RRN3: variants seen among roughly 807,000 people sequenced by gnomAD.
RRN3 encodes the protein RNA polymerase I-specific transcription initiation factor RRN3.
In RRN3, 38 loss-of-function variants were observed where a neutral mutation model predicts 82.3. That is an observed-to-expected ratio of 0.46 (90% confidence interval 0.36 to 0.61). RRN3 has a LOEUF of 0.61. RRN3 is among the 20% of genes least tolerant of loss of function. The probability of loss-of-function intolerance (pLI) is 0.00; values close to 1 mark genes in which losing one functional copy is unlikely to be tolerated. For synonymous variants in RRN3, 284 were observed against 284.3 expected, an observed-to-expected ratio of 1.00 and a Z score of 0.01; for missense variants, 726 against 793.1, an observed-to-expected ratio of 0.92 and a Z score of 1.02.
chr16:15,084,426 G>A (rs539152850), intron 7 of RRN3, among the ~76,000 whole-genome samples: 1 of 152,134 alleles, frequency 6.6e-6, no homozygotes, highest in East Asian at 1.9e-4. Flanking sequence ...AAAATTGGGG[G>A]AGGATCTGCA....
Position 15,079,768 on chromosome 16 carries a change from T to C in RRN3, c.765+230A>G, listed in dbSNP as rs533877770. On this transcript the variant is annotated intron_variant, in intron 9 of 17. Coordinates refer to ENST00000198767, the MANE Select transcript of RRN3 (RefSeq NM_018427.5). ...CCATCATGCCTGGCTAATTTTTTAT[T>C]TGTATTTTTATAGAGACGGGGTTTC... Among the ~76,000 whole-genome samples, 6 of 152,262 alleles carry C rather than the reference T, an allele frequency of 3.9e-5. No individual in the cohort carries two copies. The South Asian group carries it at 1.2e-3, about 32-fold the overall frequency.
At chr16:15,079,538 C>T (rs775301289) in intron 9 of RRN3, among the ~76,000 whole-genome samples, 15 of 152,136 alleles carry the variant, frequency 9.9e-5, no homozygotes, top group Non-Finnish European at 1.3e-4. Context: ...TCTACAACTC[C>T]CAGCACATGC....
chr16:15,090,765 A>G (rs1271789469), intron 3 of RRN3, among the ~76,000 whole-genome samples: 3 of 152,160 alleles, frequency 2.0e-5, no homozygotes, highest in Non-Finnish European at 4.4e-5. Flanking sequence ...GTAATAAACC[A>G]TTCTCTTCAA....
chr16:15,078,992 T>C (rs935189567), intron 9 of RRN3, among the ~76,000 whole-genome samples: 3 of 152,064 alleles, frequency 2.0e-5, no homozygotes, highest in African/African-American at 7.2e-5. Context: ...TTTGTATTTT[T>C]AGTGAGACAG....
At chr16:15,080,313 CTA>C (rs2045644912) in intron 8 of RRN3, among the ~76,000 whole-genome samples, 1 of 152,116 alleles carries the variant, frequency 6.6e-6, no homozygotes, top group Non-Finnish European at 1.5e-5. Flanking sequence ...ATTTGCATAA[CTA>C]TAGGTTTTTA....
intron 11 of RRN3, among the ~76,000 whole-genome samples, chr16:15,073,535 C>G (rs2045328864): frequency 1.3e-5 from 2 of 152,154 alleles, no homozygotes; most frequent in Non-Finnish European, 1.5e-5. Context: ...CACAGATTTT[C>G]CTCTGAATAT....
chr16:15,071,469 C>A (rs1356125467), intron 12 of RRN3, among the ~76,000 whole-genome samples: 1 of 152,162 alleles, frequency 6.6e-6, no homozygotes, highest in Non-Finnish European at 1.5e-5. Flanking sequence ...CCTAGCTAAG[C>A]ATCACAATCA....
chr16:15,071,361 C>G, intron 12 of RRN3, 110 bp from the exon 13 acceptor site: 2 of 992,970 alleles, frequency 2.0e-6, no homozygotes, highest in Non-Finnish European at 3.0e-6. Context: ...TCTACTATCT[C>G]ATAACTATCT....
At chr16:15,074,933 T>C in intron 10 of RRN3, 72 bp from the exon 11 acceptor site, 1 of 1,402,374 alleles carries the variant, frequency 7.1e-7, no homozygotes, top group Non-Finnish European at 9.7e-7. Flanking sequence ...AAAACTGTCA[T>C]AAGTGATTAT....
At chr16:15,073,265 C>G (rs535528160) in intron 11 of RRN3, among the ~76,000 whole-genome samples, 185 bp from the exon 12 acceptor site, 4 of 152,102 alleles carry the variant, frequency 2.6e-5, no homozygotes, top group Non-Finnish European at 5.9e-5. Flanking sequence ...TCAAGGGCAG[C>G]CTGGGGAACA....
chr16:15,062,284 G>A (rs1567181680), intron 17 of RRN3, among the ~76,000 whole-genome samples: 1 of 152,134 alleles, frequency 6.6e-6, no homozygotes, highest in East Asian at 1.9e-4. Flanking sequence ...GCTCAATGGG[G>A]ACAGGAAACA....
At chr16:15,089,565 C>T (rs1363829934) in intron 3 of RRN3, among the ~76,000 whole-genome samples, 1 of 152,026 alleles carries the variant, frequency 6.6e-6, no homozygotes, top group Non-Finnish European at 1.5e-5. Context: ...CTTTGGGAGG[C>T]CAAGGCGGGC....
At chr16:15,094,316 G>C (rs1422470572), upstream of RRN3, 66 of 1,262,322 alleles carry the variant, frequency 5.2e-5, no homozygotes, top group Non-Finnish European at 6.9e-5. Flanking sequence ...GAAGTTGCGC[G>C]TGCCAGCGCA....
chr16:15,074,666 C>T (rs141387535), intron 11 of RRN3, 57 bp downstream of exon 11: 11 of 1,367,912 alleles, frequency 8.0e-6, no homozygotes, highest in African/African-American at 1.5e-5. Context: ...GGAAAATGCC[C>T]AGCACAAAGC....
chr16:15,072,218 A>T (rs1192577487), intron 12 of RRN3, among the ~76,000 whole-genome samples: 5 of 148,026 alleles, frequency 3.4e-5, no homozygotes, highest in African/African-American at 1.2e-4. Flanking sequence ...GCAGAGAAGG[A>T]AAAGCCTTCT....
chr16:15,076,806 TG>T (rs1442858119), intron 9 of RRN3, among the ~76,000 whole-genome samples, 156 bp from the exon 10 acceptor site: 1 of 152,250 alleles, frequency 6.6e-6, no homozygotes, highest in African/African-American at 2.4e-5. Context: ...GGTGCAAGCC[TG>T]TAAACTGACC....
intron 8 of RRN3, among the ~76,000 whole-genome samples, chr16:15,082,659 G>A (rs1024392941): frequency 2.6e-5 from 4 of 151,634 alleles, no homozygotes; most frequent in Non-Finnish European, 4.4e-5. Context: ...GGTGACAGAC[G>A]GAGACTGTCC....
At chr16:15,079,650 T>C (rs1426753771) in intron 9 of RRN3, among the ~76,000 whole-genome samples, 1 of 151,858 alleles carries the variant, frequency 6.6e-6, no homozygotes, top group African/African-American at 2.4e-5. Flanking sequence ...TGGAGTGCAG[T>C]GGCACGATCT....
Position 15,072,960 on chromosome 16 carries a change from C to T in RRN3, c.1118G>A (p.Ser373Asn), listed in dbSNP as rs1283994509. 1 of 1,613,438 alleles carries T rather than the reference C, an allele frequency of 6.2e-7. No homozygotes were observed. Among genetic ancestry groups the T allele is most frequent in the East Asian group, 2.2e-5 (1 of 44,868 alleles). Residue 373 changes from serine to asparagine, a missense_variant, in exon 12 of 18, where the codon AGT (serine) becomes AAT (asparagine). Physicochemically the swap from Ser to Asn is conservative, Grantham distance 46. This residue lies in a region of RRN3 where 344 missense variants were observed against 394.5 expected (regional missense o/e 0.87). Transcript: ENST00000198767. Reference sequence around the variant, plus strand: ...CACATTCTTACTCACCAATTTGAAACTACAGAGGTAAAACATGAAAAACTG... The same window carrying T: ...CACATTCTTACTCACCAATTTGAAATTACAGAGGTAAAACATGAAAAACTG... ...HVQFFMFYLC[S>N]FKLGFAEAFL...
Sources: gnomAD v4.1 joint callset for allele counts (sites outside exome capture counted in the v4.1 genomes callset) on GRCh38, gnomAD v4.1.1 for gene constraint, gnomAD v4.1.1 regional missense constraint, MANE v1.5 for transcripts, NCBI Gene and HGNC (gene_info 2026-07-23, HGNC 2026-07-21) for gene names.